Variants in EXOC4 observed in about 807,000 individuals in gnomAD.
EXOC4 encodes SEC8-like 1.
EXOC4 carries 71 observed loss-of-function variants against 107.2 expected under a neutral mutation model. The observed-to-expected ratio is 0.66, with a 90% CI of 0.55 to 0.81. The LOEUF (loss-of-function observed/expected upper bound fraction) is 0.81. Ranked by LOEUF, EXOC4 falls within the 30% of genes least tolerant of loss-of-function variation. The pLI is 0.00. For missense variants in EXOC4, 1,108 were observed against 1,189.6 expected, an observed-to-expected ratio of 0.93 and a Z score of 1.01; for synonymous variants, 456 against 441.2, an observed-to-expected ratio of 1.03 and a Z score of -0.42.
At chr7:133,416,580 A>G (rs1326819453) in intron 7 of EXOC4, among the ~76,000 whole-genome samples, 4 of 152,186 alleles carry the variant, frequency 2.6e-5, no homozygotes, top group African/African-American at 9.7e-5. Context: ...TGTATGTGGG[A>G]AAGCTGTGAA....
intron 10 of EXOC4, among the ~76,000 whole-genome samples, chr7:133,786,351 C>T (rs1244988468): frequency 6.6e-6 from 1 of 152,166 alleles, no homozygotes; most frequent in Admixed American, 6.5e-5. Context: ...TGCACATCAC[C>T]TAGAGCAAAG....
chr7:133,369,800 CTT>C (rs35258276), intron 6 of EXOC4, among the ~76,000 whole-genome samples: 154 of 86,648 alleles, frequency 1.8e-3, no homozygotes, highest in Middle Eastern at 0.012. Flanking sequence ...ACTAGATTTC[CTT>C]TTTTTTTTTT....
the EXOC4 span, among the ~76,000 whole-genome samples, chr7:134,076,472 C>G: frequency 6.6e-6 from 1 of 151,934 alleles, no homozygotes; most frequent in Non-Finnish European, 1.5e-5. Context: ...GAGCCGAGAT[C>G]ACGCCACTTC....
intron 12 of EXOC4, among the ~76,000 whole-genome samples, chr7:133,897,905 G>A (rs1191959791): frequency 1.3e-5 from 2 of 151,930 alleles, no homozygotes; most frequent in Non-Finnish European, 2.9e-5. Flanking sequence ...TTACATTATT[G>A]TTAATTATAG....
At chr7:133,547,601 T>A (rs1203471469) in intron 9 of EXOC4, among the ~76,000 whole-genome samples, 2 of 152,232 alleles carry the variant, frequency 1.3e-5, no homozygotes, top group African/African-American at 2.4e-5. Flanking sequence ...GCTTTATCAA[T>A]TAAGTTTATA....
At chr7:133,556,845 A>G (rs946676104) in intron 9 of EXOC4, among the ~76,000 whole-genome samples, 2 of 152,168 alleles carry the variant, frequency 1.3e-5, no homozygotes, top group African/African-American at 4.8e-5. Flanking sequence ...AGATGTAGGT[A>G]TGAAAAGAGC....
At chr7:133,300,723 A>G (rs571424539) in intron 3 of EXOC4, among the ~76,000 whole-genome samples, 2 of 152,102 alleles carry the variant, frequency 1.3e-5, no homozygotes, top group African/African-American at 4.8e-5. Flanking sequence ...AAAGGCTACA[A>G]TGTACTGCAA....
intron 10 of EXOC4, among the ~76,000 whole-genome samples, chr7:133,745,621 C>T (rs111275521): frequency 6.6e-6 from 1 of 150,522 alleles, no homozygotes; most frequent in African/African-American, 2.4e-5. Context: ...GCTATTAAAA[C>T]AAGCATTTAA....
intron 14 of EXOC4, among the ~76,000 whole-genome samples, chr7:133,973,927 G>C (rs1793761892): frequency 6.6e-6 from 1 of 152,174 alleles, no homozygotes; most frequent in African/African-American, 2.4e-5. Flanking sequence ...CTGGTGGAAG[G>C]GGGAAGGCAG....
rs201206042 is a variant in EXOC4, at chr7:133,630,091, C to T, written c.1464C>T (p.Val488=). Residue 488 remains valine, a synonymous_variant, in exon 10 of 18, where the codon GTC becomes GTT. Coordinates refer to ENST00000253861, the MANE Select transcript of EXOC4 (RefSeq NM_021807.4). ...TTGAAGGTGGAGGAACAAAATTTGT[C>T]TGCAAACCTGGAGCCAGAAACATTA... ...NLIEGGGTKF[V]CKPGARNITV... 1 of 1,613,878 alleles carries T rather than the reference C, an allele frequency of 6.2e-7. No homozygotes were observed. Among genetic ancestry groups the T allele is most frequent in the African/African-American group, 1.3e-5 (1 of 74,986 alleles).
chr7:133,448,142 G>A (rs576852393), intron 7 of EXOC4, among the ~76,000 whole-genome samples: 7 of 152,282 alleles, frequency 4.6e-5, no homozygotes, highest in South Asian at 2.1e-4. Flanking sequence ...GCACAGTGTA[G>A]TGAAGCATTT....
chr7:133,992,039 T>A (rs1275570770), intron 14 of EXOC4, among the ~76,000 whole-genome samples: 2 of 152,198 alleles, frequency 1.3e-5, no homozygotes, highest in Non-Finnish European at 2.9e-5. Flanking sequence ...GTAGGTTGCT[T>A]TTGGTACTAT....
chr7:133,845,745 A>G (rs1798114225), intron 11 of EXOC4, among the ~76,000 whole-genome samples: 1 of 152,154 alleles, frequency 6.6e-6, no homozygotes, highest in Non-Finnish European at 1.5e-5. Context: ...CAGTGAGCTA[A>G]AGGAAGCTTT....
At chr7:133,830,199 T>C (rs1186580060) in intron 11 of EXOC4, among the ~76,000 whole-genome samples, 1 of 152,248 alleles carries the variant, frequency 6.6e-6, no homozygotes, top group African/African-American at 2.4e-5. Context: ...CTTCCTTTTT[T>C]TTCCACAAAC....
intron 9 of EXOC4, among the ~76,000 whole-genome samples, chr7:133,603,684 C>A (rs1327150992): frequency 6.6e-6 from 1 of 152,120 alleles, no homozygotes; most frequent in African/African-American, 2.4e-5. Context: ...TGAAAATGGT[C>A]CATCTGTATG....
intron 11 of EXOC4, among the ~76,000 whole-genome samples, chr7:133,871,306 C>A (rs1027573246): frequency 1.1e-4 from 17 of 151,814 alleles, no homozygotes; most frequent in African/African-American, 3.9e-4. Flanking sequence ...CCAAAAAAAT[C>A]ACCACAAAAA....
rs1330146914 is a variant in EXOC4, at chr7:133,611,020, A to C, written c.1418-19025A>C. Among the ~76,000 whole-genome samples the C allele has an allele frequency of 2.2e-5, 3 of 138,600 alleles. No individual in the cohort carries two copies. The South Asian group carries it at 6.7e-4, about 31-fold the overall frequency. The allele number at this position is 138,600 out of a possible 152,430, so 90.9% of individuals were successfully genotyped here. On this transcript the variant is annotated intron_variant, in intron 9 of 17. Transcript: ENST00000253861. ...TTTTTTTTTGTAGAGATGGAGTTTC[A>C]CCTGAACTCCCGGGCTCAAATGATC... is the stretch of plus-strand genomic sequence containing the variant.
intron 11 of EXOC4, among the ~76,000 whole-genome samples, chr7:133,828,921 C>T (rs2151234614): frequency 6.6e-6 from 1 of 152,210 alleles, no homozygotes; most frequent in South Asian, 2.1e-4. Flanking sequence ...CCTACAAATC[C>T]AAGAACAGTA....
At chr7:133,379,409 A>C (rs1796563945) in intron 7 of EXOC4, among the ~76,000 whole-genome samples, 1 of 152,084 alleles carries the variant, frequency 6.6e-6, no homozygotes, top group Non-Finnish European at 1.5e-5. Flanking sequence ...TTTTGGGTTT[A>C]AAAGATACAC....
Sources: allele counts gnomAD v4.1 joint callset (sites outside exome capture counted in the v4.1 genomes callset), GRCh38; gene constraint gnomAD v4.1.1; transcripts MANE v1.5; gene names NCBI Gene and HGNC (gene_info 2026-07-23, HGNC 2026-07-21).